HDAC9: variants seen among roughly 807,000 people sequenced by gnomAD.
HDAC9 encodes MEF-2 interacting transcription repressor (MITR) protein.
HDAC9 carries 41 observed loss-of-function variants against 139.4 expected under a neutral mutation model. The observed-to-expected ratio is 0.29, with a 90% CI of 0.23 to 0.38. The LOEUF is 0.38. Among genes scored for constraint, HDAC9 ranks in the 10% least tolerant of loss-of-function variants. The pLI is 1.00. For synonymous variants in HDAC9, 517 were observed against 476.2 expected (o/e 1.09, Z -1.12); for missense variants, 1,147 against 1,297.0 (o/e 0.88, Z 1.78).
chr7:18,712,371 A>G (rs755039553), intron 12 of HDAC9, among the ~76,000 whole-genome samples: 5 of 152,206 alleles, frequency 3.3e-5, no homozygotes, highest in Non-Finnish European at 4.4e-5. Flanking sequence ...GGACTATTGC[A>G]TGATAAACAA....
chr7:18,420,039 A>G (rs760337360), intron 1 of HDAC9, among the ~76,000 whole-genome samples: 9 of 152,214 alleles, frequency 5.9e-5, no homozygotes, highest in African/African-American at 1.9e-4. Flanking sequence ...CTGCTAGTCT[A>G]TAGAAATTGT....
At chr7:18,788,921 A>G (rs1792057365) in intron 16 of HDAC9, among the ~76,000 whole-genome samples, 1 of 152,174 alleles carries the variant, frequency 6.6e-6, no homozygotes, top group Admixed American at 6.5e-5. Context: ...TTTCAGGACC[A>G]GAAGAGATGG....
chr7:18,890,086 A>G (rs1219548483), intron 22 of HDAC9, among the ~76,000 whole-genome samples: 1 of 152,192 alleles, frequency 6.6e-6, no homozygotes, highest in South Asian at 2.1e-4. Context: ...ATAGGACTAT[A>G]TCTCATAGAT....
intron 11 of HDAC9, among the ~76,000 whole-genome samples, chr7:18,656,232 A>G (rs762840419): frequency 6.6e-6 from 1 of 152,050 alleles, no homozygotes; most frequent in African/African-American, 2.4e-5. Flanking sequence ...CTATTCTCTC[A>G]TATCTTAAAT....
Position 18,170,799 on chromosome 7 carries a change from T to A in HDAC9, c.25+8450T>A, listed in dbSNP as rs1584443588. Among the ~76,000 whole-genome samples the A allele has an allele frequency of 2.0e-5, 3 of 152,104 alleles. No homozygotes were observed. In the South Asian group the frequency reaches 6.2e-4, roughly 31 times the overall value. ...CTGAAGCATCTGTTCTGTTCCATTG[T>A]TCTATATCTCTGTTTTGGTACCAGA... On this transcript the variant is annotated intron_variant, in intron 2 of 12. Transcript: ENST00000417496.
chr7:18,437,060 T>C (rs1220461093), intron 1 of HDAC9, among the ~76,000 whole-genome samples: 1 of 152,206 alleles, frequency 6.6e-6, no homozygotes, highest in Non-Finnish European at 1.5e-5. Context: ...CTCACAGCAC[T>C]AGCAGTCCAG....
chr7:18,653,866 T>C (rs1357722582), intron 11 of HDAC9, among the ~76,000 whole-genome samples: 1 of 152,278 alleles, frequency 6.6e-6, no homozygotes, highest in East Asian at 1.9e-4. Flanking sequence ...ATGAATGTTA[T>C]ATATTCTCTG....
chr7:18,278,106 T>G (rs1796866375), intron 2 of HDAC9, among the ~76,000 whole-genome samples: 1 of 152,214 alleles, frequency 6.6e-6, no homozygotes, highest in Non-Finnish European at 1.5e-5. Context: ...ATTTTAATCA[T>G]TACTTCACCA....
At chr7:18,626,522 A>G (rs1186826118) in intron 6 of HDAC9, among the ~76,000 whole-genome samples, 1 of 152,196 alleles carries the variant, frequency 6.6e-6, no homozygotes, top group African/African-American at 2.4e-5. Context: ...TAATTCATCC[A>G]GGCATCTATT....
chr7:18,138,853 A>C (rs555149788), intron 1 of HDAC9, among the ~76,000 whole-genome samples: 1 of 152,258 alleles, frequency 6.6e-6, no homozygotes, highest in Admixed American at 6.5e-5. Context: ...CTCAATTCAG[A>C]GTACTGGATT....
intron 1 of HDAC9, among the ~76,000 whole-genome samples, chr7:18,447,794 G>A (rs956142960): frequency 4.6e-5 from 7 of 152,152 alleles, no homozygotes; most frequent in African/African-American, 1.7e-4. Flanking sequence ...CTCCTATAGT[G>A]TATGTATTCC....
intron 2 of HDAC9, among the ~76,000 whole-genome samples, chr7:18,253,324 G>T (rs1311468585): frequency 6.7e-6 from 1 of 149,860 alleles, no homozygotes; most frequent in East Asian, 2.0e-4. Context: ...TTGAGGAATT[G>T]CCACACTGTT....
intron 12 of HDAC9, among the ~76,000 whole-genome samples, chr7:18,711,437 T>C (rs1784337536): frequency 6.6e-6 from 1 of 152,196 alleles, no homozygotes; most frequent in South Asian, 2.1e-4. Context: ...TAAGCTCATA[T>C]TAGTTTTGAT....
At chr7:18,356,402 T>G (rs572634415) in intron 1 of HDAC9, among the ~76,000 whole-genome samples, 2 of 121,636 alleles carry the variant, frequency 1.6e-5, no homozygotes, top group South Asian at 5.8e-4. Flanking sequence ...AACAAACTTG[T>G]AACTCCCAAG....
At chr7:18,911,910 C>T (rs1294527001) in intron 22 of HDAC9, among the ~76,000 whole-genome samples, 2 of 151,910 alleles carry the variant, frequency 1.3e-5, no homozygotes, top group Non-Finnish European at 2.9e-5. Context: ...TGTTTTGTAG[C>T]CTACTATATG....
At chr7:18,918,669 C>T (rs146868597) in intron 22 of HDAC9, among the ~76,000 whole-genome samples, 1 of 152,036 alleles carries the variant, frequency 6.6e-6, no homozygotes, top group South Asian at 2.1e-4. Flanking sequence ...ATTCATAACA[C>T]AGTTTGACCG....
chr7:18,172,896 G>A (rs1427154688), intron 2 of HDAC9, among the ~76,000 whole-genome samples: 2 of 152,230 alleles, frequency 1.3e-5, no homozygotes, highest in Non-Finnish European at 2.9e-5. Flanking sequence ...TGGAGTAAGT[G>A]CGATGTGGTG....
At chr7:18,697,476 T>C (rs904495546) in intron 12 of HDAC9, among the ~76,000 whole-genome samples, 1 of 152,172 alleles carries the variant, frequency 6.6e-6, no homozygotes. Flanking sequence ...TCTTTGTCTC[T>C]CTCTGTGTCT....
rs546178511 is a variant in HDAC9, at chr7:18,104,059, C to T, written c.-97+16846C>T. Among the ~76,000 whole-genome samples the T allele has an allele frequency of 1.1e-3, 168 of 152,194 alleles. 1 individual carries two copies. Among genetic ancestry groups the T allele is most frequent in the African/African-American group, 3.9e-3 (162 of 41,520 alleles). On this transcript the variant is annotated intron_variant, in intron 1 of 12. Coordinates refer to the HDAC9 transcript ENST00000417496. ...GACACGCTGATTCACCTAACATGCA[C>T]AGCTTTGGGATGTGGGAGGAAACCG...
Sources: gnomAD v4.1 joint callset for allele counts (sites outside exome capture counted in the v4.1 genomes callset) on GRCh38, gnomAD v4.1.1 for gene constraint, MANE v1.5 for transcripts, NCBI Gene and HGNC (gene_info 2026-07-23, HGNC 2026-07-21) for gene names.